SEM1: variants seen among roughly 807,000 people sequenced by gnomAD.
The protein encoded by SEM1 is SEM1 26S proteasome subunit, also known as 26S proteasome complex subunit SEM1.
In SEM1, 3 loss-of-function variants were observed where a neutral mutation model predicts 12.7. The ratio of observed to expected loss-of-function variants is 0.24; its 90% CI spans 0.11 to 0.61. The LOEUF is 0.61. Ranked by LOEUF, SEM1 falls within the 20% of genes least tolerant of loss-of-function variation. The pLI, the probability that SEM1 is intolerant of heterozygous loss-of-function variation, is 0.88. For synonymous variants in SEM1, 30 were observed against 27.8 expected (o/e 1.08, Z -0.25); for missense variants, 59 against 81.3 (o/e 0.73, Z 1.06).
At chr7:96,615,950 T>C (rs1807706805) in intron 2 of SEM1, among the ~76,000 whole-genome samples, 1 of 152,222 alleles carries the variant, frequency 6.6e-6, no homozygotes, top group East Asian at 1.9e-4. Flanking sequence ...CCTCCACTGA[T>C]GGACACTTAG....
chr7:96,503,675 T>G (rs1184267850), intron 3 of SEM1, among the ~76,000 whole-genome samples: 1 of 152,124 alleles, frequency 6.6e-6, no homozygotes, highest in African/African-American at 2.4e-5. Flanking sequence ...GAAGGACCCT[T>G]AATGACAGGG....
intron 1 of SEM1, among the ~76,000 whole-genome samples, chr7:96,701,536 A>G (rs1302386362): frequency 6.6e-6 from 1 of 152,128 alleles, no homozygotes; most frequent in African/African-American, 2.4e-5. Flanking sequence ...CTGATGTTTA[A>G]GCCACCCAGT....
chr7:96,637,790 A>G (rs1232581604), intron 2 of SEM1, among the ~76,000 whole-genome samples: 3 of 151,826 alleles, frequency 2.0e-5, no homozygotes, highest in East Asian at 1.9e-4. Context: ...TTCACTAGCT[A>G]TCATCTTCTT....
At chr7:96,620,749 G>A (rs1181736977), downstream of SEM1, among the ~76,000 whole-genome samples, 1 of 152,098 alleles carries the variant, frequency 6.6e-6, no homozygotes, top group Non-Finnish European at 1.5e-5. Context: ...TCCATGGAGG[G>A]CGCATGTACT....
At chr7:96,573,648 T>C (rs185076325) in intron 2 of SEM1, among the ~76,000 whole-genome samples, 188 of 152,346 alleles carry the variant, frequency 1.2e-3, no homozygotes, top group Middle Eastern at 6.8e-3. Flanking sequence ...GTTAGTCTGA[T>C]GGGCTTCCCT....
At chr7:96,606,076 G>A (rs1005311653) in intron 2 of SEM1, among the ~76,000 whole-genome samples, 3 of 152,140 alleles carry the variant, frequency 2.0e-5, no homozygotes, top group Admixed American at 2.0e-4. Flanking sequence ...AAGTAGCAAT[G>A]TTGGCATATT....
At chr7:96,551,033 T>C (rs1017801846) in intron 2 of SEM1, among the ~76,000 whole-genome samples, 3 of 152,048 alleles carry the variant, frequency 2.0e-5, no homozygotes, top group African/African-American at 4.8e-5. Context: ...CAAGAAGAGA[T>C]AGACATGCAA....
At chr7:96,585,257 G>A (rs1404131809) in intron 2 of SEM1, among the ~76,000 whole-genome samples, 2 of 152,178 alleles carry the variant, frequency 1.3e-5, no homozygotes, top group Non-Finnish European at 2.9e-5. Context: ...CCCTGCTGGG[G>A]GGTGCCTCCC....
chr7:96,608,124 A>G (rs1044633555), intron 2 of SEM1, among the ~76,000 whole-genome samples: 3 of 152,198 alleles, frequency 2.0e-5, no homozygotes, highest in African/African-American at 7.2e-5. Flanking sequence ...ATAGGAAATA[A>G]CTCCCAAGAA....
At chr7:96,570,737 G>A (rs189595654) in intron 2 of SEM1, among the ~76,000 whole-genome samples, 99 of 152,184 alleles carry the variant, frequency 6.5e-4, no homozygotes, top group Admixed American at 2.9e-3. Flanking sequence ...TGGTTGGGTC[G>A]AACGGTATTT....
intron 2 of SEM1, among the ~76,000 whole-genome samples, chr7:96,628,887 C>T (rs560328505): frequency 3.3e-5 from 5 of 152,192 alleles, no homozygotes; most frequent in East Asian, 1.9e-4. Flanking sequence ...TTTTCCTTCA[C>T]GTTTGAAGAA....
chr7:96,564,350 A>G (rs1226466303), intron 2 of SEM1, among the ~76,000 whole-genome samples: 2 of 151,956 alleles, frequency 1.3e-5, no homozygotes, highest in African/African-American at 4.8e-5. Context: ...GTGCACCACT[A>G]ATAGGAGCAA....
intron 2 of SEM1, among the ~76,000 whole-genome samples, chr7:96,607,585 G>A (rs1807420118): frequency 6.8e-6 from 1 of 146,004 alleles, no homozygotes; most frequent in South Asian, 2.3e-4. Flanking sequence ...GAATAAAGTA[G>A]AGAAACAACT....
At chr7:96,614,127 G>A (rs1807631597) in intron 2 of SEM1, among the ~76,000 whole-genome samples, 1 of 151,764 alleles carries the variant, frequency 6.6e-6, no homozygotes, top group African/African-American at 2.4e-5. Flanking sequence ...TCTCTTGCTG[G>A]GTAACATTCT....
intron 2 of SEM1, among the ~76,000 whole-genome samples, chr7:96,533,034 C>G (rs536295206): frequency 6.6e-6 from 1 of 152,094 alleles, no homozygotes; most frequent in Non-Finnish European, 1.5e-5. Flanking sequence ...AATATTTTCA[C>G]TTGCCTTTAA....
chr7:96,673,108 ATTTTTT>A (rs1322595205), downstream of SEM1: 2 of 151,882 alleles, frequency 1.3e-5, no homozygotes, highest in East Asian at 3.8e-4. Context: ...TTTTATTTTT[ATTTTTT>A]ATTTTTATTC....
chr7:96,489,828 A>G (rs1347765773), intron 1 of SEM1, among the ~76,000 whole-genome samples: 3 of 152,126 alleles, frequency 2.0e-5, no homozygotes, highest in Admixed American at 6.5e-5. Context: ...CTGTGTATCT[A>G]TGTCTGTGCG....
downstream of SEM1, chr7:96,687,998 G>GT (rs759536471): frequency 4.6e-5 from 7 of 151,970 alleles, no homozygotes; most frequent in Non-Finnish European, 8.8e-5. Flanking sequence ...CCCTATTTTG[G>GT]TATCTGCACT....
In SEM1 at chr7:96,579,947, A is replaced by G. The variant is rs543457451; in HGVS notation, c.171-73249T>C. Among the ~76,000 whole-genome samples, 273 of 51,372 alleles carry G rather than the reference A, an allele frequency of 5.3e-3. 5 individuals carry two copies. The highest frequency in any genetic ancestry group is 0.039 in the Admixed American group (230 of 5,886). 33.7% of individuals were successfully genotyped at this position (51,372 alleles called of 152,430 possible). A position where few individuals can be genotyped will look rare whatever the true frequency, so the allele number is the denominator to read the frequency against. ...TAAAAAATTTAAAACCTATTTCCTC[A>G]CCTTTCAATTTTTTTAATTTATTTA... is the stretch of plus-strand genomic sequence containing the variant. On this transcript the variant is annotated intron_variant and NMD_transcript_variant, in intron 2 of 3. Transcript: ENST00000466986.
Sources: gnomAD v4.1 joint callset for allele counts (sites outside exome capture counted in the v4.1 genomes callset) on GRCh38, gnomAD v4.1.1 for gene constraint, MANE v1.5 for transcripts, NCBI Gene and HGNC (gene_info 2026-07-23, HGNC 2026-07-21) for gene names.